Variants in PTPRJ observed in about 807,000 individuals in gnomAD.
The protein encoded by PTPRJ is receptor-type tyrosine-protein phosphatase eta.
A neutral mutation model predicts 141.3 loss-of-function variants in PTPRJ; 129 were observed. The observed-to-expected ratio is 0.91, with a 90% CI of 0.79 to 1.06. The LOEUF is 1.06. PTPRJ is among the 50% of genes least tolerant of loss of function. The pLI, the probability that PTPRJ is intolerant of heterozygous loss-of-function variation, is 0.00. For missense variants in PTPRJ, 1,601 were observed against 1,679.7 expected (o/e 0.95, Z 0.82); for synonymous variants, 610 against 640.5 (o/e 0.95, Z 0.72).
chr11:48,166,106 G>T (rs539651954), intron 24 of PTPRJ, among the ~76,000 whole-genome samples: 15 of 151,404 alleles, frequency 9.9e-5, no homozygotes, highest in Non-Finnish European at 1.5e-4. Context: ...CTCATGATCC[G>T]CCCGCCTCGG....
At chr11:48,127,686 G>A (rs149224801) in intron 6 of PTPRJ, 94 bp from the exon 7 acceptor site, 148 of 1,324,558 alleles carry the variant, frequency 1.1e-4, no homozygotes, top group African/African-American at 1.1e-3. Flanking sequence ...TCCCCCAGGA[G>A]AGTTTGCTGG....
intron 1 of PTPRJ, among the ~76,000 whole-genome samples, chr11:48,026,763 A>G (rs1853823944): frequency 6.6e-6 from 1 of 151,746 alleles, no homozygotes; most frequent in Admixed American, 6.6e-5. Flanking sequence ...TAGGTTCTTT[A>G]GTGGTGATTT....
At chr11:48,059,109 CCT>C (rs1491188227) in intron 1 of PTPRJ, among the ~76,000 whole-genome samples, 3 of 125,932 alleles carry the variant, frequency 2.4e-5, no homozygotes, top group African/African-American at 1.1e-4. Context: ...CTGTGCTGTG[CCT>C]TTTTTTTTTT....
intron 1 of PTPRJ, among the ~76,000 whole-genome samples, chr11:48,030,514 C>T (rs117784795): frequency 0.012 from 1,824 of 152,220 alleles, 23 homozygotes; most frequent in Middle Eastern, 0.048. Context: ...CAGCTGGGCG[C>T]GGTGGGTCAC....
chr11:47,980,729 G>GGCCGCC lies in PTPRJ; in HGVS notation c.-175_-170dup, dbSNP rs921156659. On this transcript the variant is annotated 5_prime_UTR_variant, in exon 1 of 25. Transcript: ENST00000418331. ...GCGCTAGGCTCCGGCGTGTGGCCGCGGCCGCCGCCGCCGCTGCCATGTCTC... is the reference window on the plus strand; with the variant it reads ...GCGCTAGGCTCCGGCGTGTGGCCGCGGCCGCCGCCGCCGCCGCCGCTGCCATGTCTC... 8.0e-6 allele frequency: 8 copies of GGCCGCC among 1,004,506 alleles called. No homozygotes were observed. The highest frequency in any genetic ancestry group is 9.5e-6 in the Non-Finnish European group (8 of 844,382). The allele number at this position is 1,004,506 out of a possible 1,614,324, so 62.2% of individuals were successfully genotyped here.
intron 1 of PTPRJ, among the ~76,000 whole-genome samples, chr11:48,027,934 C>T (rs985629440): frequency 6.6e-6 from 1 of 151,924 alleles, no homozygotes; most frequent in Non-Finnish European, 1.5e-5. Flanking sequence ...AGTTTGCCTG[C>T]ATCCAGGGTC....
intron 11 of PTPRJ, among the ~76,000 whole-genome samples, chr11:48,141,938 GT>G (rs77346697): frequency 0.033 from 4,729 of 144,046 alleles, 225 homozygotes; most frequent in African/African-American, 0.11. Context: ...TCCCCAATGT[GT>G]TTTTTTTTTT....
intron 6 of PTPRJ, among the ~76,000 whole-genome samples, chr11:48,127,124 C>G (rs764665693): frequency 2.6e-5 from 4 of 152,142 alleles, no homozygotes; most frequent in Non-Finnish European, 4.4e-5. Flanking sequence ...CATAGTGGAA[C>G]CCGGTCACAG....
chr11:48,048,085 G>T (rs901054859), intron 1 of PTPRJ, among the ~76,000 whole-genome samples: 1 of 152,106 alleles, frequency 6.6e-6, no homozygotes, highest in Non-Finnish European at 1.5e-5. Flanking sequence ...ATGTTGGAGG[G>T]GGTTGCAGTT....
Position 48,051,432 on chromosome 11 carries a change from C to G in PTPRJ, c.97-58626C>G, listed in dbSNP as rs545344649. On this transcript the variant is annotated intron_variant, in intron 1 of 24. Coordinates refer to ENST00000418331, the MANE Select transcript of PTPRJ (RefSeq NM_002843.4). Reference sequence around the variant, plus strand: ...TTTTATTTAGAGGAAGTCACTTGATCATGCTTTTCCCCCCACCCATGGCAT... The same window carrying G: ...TTTTATTTAGAGGAAGTCACTTGATGATGCTTTTCCCCCCACCCATGGCAT... 5.9e-5 allele frequency among the ~76,000 whole-genome samples: 9 copies of G among 152,240 alleles called. No homozygotes were observed. In the South Asian group the frequency reaches 1.2e-3, roughly 21 times the overall value.
intron 1 of PTPRJ, among the ~76,000 whole-genome samples, chr11:48,000,382 A>G (rs1681624): frequency 0.068 from 10,218 of 149,828 alleles, 1,114 homozygotes; most frequent in African/African-American, 0.23. Flanking sequence ...CTGGGCTCAA[A>G]CGATCCTCCC....
chr11:48,044,134 G>A (rs923615915), intron 1 of PTPRJ, among the ~76,000 whole-genome samples: 6 of 152,336 alleles, frequency 3.9e-5, no homozygotes, highest in African/African-American at 1.4e-4. Context: ...TGATGCTCAG[G>A]GCTGTGGGGG....
At chr11:47,986,058 C>T (rs1251079274) in intron 1 of PTPRJ, among the ~76,000 whole-genome samples, 1 of 152,158 alleles carries the variant, frequency 6.6e-6, no homozygotes, top group East Asian at 1.9e-4. Flanking sequence ...ACTCCTGGGT[C>T]CAGTTGACAT....
chr11:48,103,143 T>A (rs1434079815), intron 1 of PTPRJ, among the ~76,000 whole-genome samples: 1 of 152,106 alleles, frequency 6.6e-6, no homozygotes, highest in Non-Finnish European at 1.5e-5. Context: ...ACTCTCAAAT[T>A]TGAGTATATT....
chr11:48,136,394 G>C, intron 9 of PTPRJ, 98 bp downstream of exon 9: 2 of 1,432,658 alleles, frequency 1.4e-6, no homozygotes, highest in Non-Finnish European at 1.9e-6. Context: ...CTGGGATCCA[G>C]GTTGACTCTG....
chr11:48,118,812 C>T (rs185642890), intron 3 of PTPRJ, among the ~76,000 whole-genome samples: 1 of 152,146 alleles, frequency 6.6e-6, no homozygotes, highest in Non-Finnish European at 1.5e-5. Flanking sequence ...CCCAGAATCC[C>T]TGTATGAATC....
intron 1 of PTPRJ, among the ~76,000 whole-genome samples, chr11:48,097,385 G>A (rs1438987309): frequency 6.6e-6 from 1 of 152,128 alleles, no homozygotes; most frequent in African/African-American, 2.4e-5. Flanking sequence ...CTGCTTTTGT[G>A]ACTCACCCTT....
intron 21 of PTPRJ, 149 bp downstream of exon 21, chr11:48,156,268 C>T (rs1857597473): frequency 2.9e-6 from 2 of 689,060 alleles, no homozygotes; most frequent in Non-Finnish European, 4.6e-6. Flanking sequence ...TCTTTTTTTC[C>T]CCATAAGAGA....
intron 1 of PTPRJ, among the ~76,000 whole-genome samples, chr11:48,019,148 G>A (rs1855035249): frequency 6.6e-6 from 1 of 151,552 alleles, no homozygotes; most frequent in South Asian, 2.1e-4. Flanking sequence ...CTGCCTCCCG[G>A]TCTCTGTGCC....
Sources: gnomAD v4.1 joint callset for allele counts (sites outside exome capture counted in the v4.1 genomes callset) on GRCh38, gnomAD v4.1.1 for gene constraint, MANE v1.5 for transcripts, NCBI Gene and HGNC (gene_info 2026-07-23, HGNC 2026-07-21) for gene names.